EDEM3: variants seen among roughly 807,000 people sequenced by gnomAD.
The protein encoded by EDEM3 is ER degradation enhancing alpha-mannosidase like protein 3.
Under a neutral mutation model 110.2 loss-of-function variants are expected in EDEM3, and 60 were observed. The ratio of observed to expected loss-of-function variants is 0.54; its 90% confidence interval spans 0.44 to 0.67. EDEM3 has a LOEUF of 0.67. Ranked by LOEUF, EDEM3 falls within the 30% of genes least tolerant of loss-of-function variation. EDEM3 has a pLI of 0.00. For synonymous variants in EDEM3, 352 were observed against 382.9 expected, an observed-to-expected ratio of 0.92 and a Z score of 0.94; for missense variants, 996 against 1,121.0, an observed-to-expected ratio of 0.89 and a Z score of 1.59.
chr1:184,711,100 G>C (rs1650202103), intron 15 of EDEM3, among the ~76,000 whole-genome samples: 1 of 151,878 alleles, frequency 6.6e-6, no homozygotes, highest in East Asian at 1.9e-4. Flanking sequence ...TAGACAAAAG[G>C]AAATTTTTTT....
intron 4 of EDEM3, among the ~76,000 whole-genome samples, chr1:184,735,640 T>A (rs535357707): frequency 1.3e-5 from 2 of 152,278 alleles, no homozygotes; most frequent in African/African-American, 4.8e-5. Flanking sequence ...CTCCCTAAAT[T>A]CAGTAAAAGT....
intron 6 of EDEM3, among the ~76,000 whole-genome samples, chr1:184,731,420 C>T (rs1651509529): frequency 6.6e-6 from 1 of 152,160 alleles, no homozygotes; most frequent in African/African-American, 2.4e-5. Flanking sequence ...GAATACTTTC[C>T]TCTTTATTCA....
chr1:184,723,224 C>T (rs1650999109), intron 8 of EDEM3, among the ~76,000 whole-genome samples: 1 of 151,978 alleles, frequency 6.6e-6, no homozygotes. Context: ...AAGCACTTTA[C>T]TTTGGTTAAC....
intron 19 of EDEM3, among the ~76,000 whole-genome samples, chr1:184,697,598 G>A (rs1649397160): frequency 6.6e-6 from 1 of 151,978 alleles, no homozygotes; most frequent in African/African-American, 2.4e-5. Context: ...TAGTTTAACT[G>A]AAGGAGAAAT....
chr1:184,699,039 T>C (rs2102057026), intron 19 of EDEM3, among the ~76,000 whole-genome samples: 1 of 151,898 alleles, frequency 6.6e-6, no homozygotes, highest in South Asian at 2.1e-4. Context: ...ACAACCACAA[T>C]ATTAAATTCA....
chr1:184,732,776 C>A, intron 6 of EDEM3, 61 bp downstream of exon 6: 1 of 1,503,180 alleles, frequency 6.7e-7, no homozygotes, highest in Non-Finnish European at 9.0e-7. Context: ...GATCACAAAA[C>A]TTCATTTTGT....
At chr1:184,731,282 A>G (rs1468542812) in intron 6 of EDEM3, among the ~76,000 whole-genome samples, 3 of 152,236 alleles carry the variant, frequency 2.0e-5, no homozygotes, top group Non-Finnish European at 4.4e-5. Context: ...TGCTTTAAAT[A>G]TAAAATTTTC....
At chr1:184,694,862 A>T (rs988288073) in intron 19 of EDEM3, among the ~76,000 whole-genome samples, 1 of 152,078 alleles carries the variant, frequency 6.6e-6, no homozygotes, top group Non-Finnish European at 1.5e-5. Context: ...TATTAAACAG[A>T]ATCAATTTTA....
At chr1:184,740,855 T>C (rs1652096898) in intron 2 of EDEM3, among the ~76,000 whole-genome samples, 1 of 152,104 alleles carries the variant, frequency 6.6e-6, no homozygotes. Flanking sequence ...GGTTGTGACA[T>C]AAAGGTTGAA....
chr1:184,717,130 A>T (rs1475626418), intron 12 of EDEM3, 118 bp from the exon 13 acceptor site: 1 of 746,740 alleles, frequency 1.3e-6, no homozygotes, highest in African/African-American at 1.8e-5. Flanking sequence ...TCAGGCACTG[A>T]AGGACATTAT....
At chr1:184,729,962 GT>G (rs575467377) in intron 6 of EDEM3, among the ~76,000 whole-genome samples, 199 of 152,066 alleles carry the variant, frequency 1.3e-3, no homozygotes, top group African/African-American at 4.6e-3. Context: ...TTTATATATT[GT>G]TTAAAAAACT....
chr1:184,734,258 C>T (rs1651699369), intron 5 of EDEM3, among the ~76,000 whole-genome samples: 1 of 152,328 alleles, frequency 6.6e-6, no homozygotes, highest in South Asian at 2.1e-4. Context: ...CACTTAAGGT[C>T]AGGCATTCGG....
intron 6 of EDEM3, among the ~76,000 whole-genome samples, chr1:184,732,130 C>T (rs1208458769): frequency 4.0e-5 from 6 of 151,860 alleles, no homozygotes; most frequent in South Asian, 4.2e-4. Context: ...GAGCCGAGAT[C>T]GCGCCACTGC....
Position 184,690,298 on chromosome 1 carries a change from T to C in EDEM3, c.*3765A>G, listed in dbSNP as rs1235123477. On this transcript the variant is annotated 3_prime_UTR_variant, in exon 20 of 20. Coordinates refer to ENST00000318130, the MANE Select transcript of EDEM3 (RefSeq NM_025191.4). ...TACCTTTGTGCATGCTACTGACTTG[T>C]TGAAAAACTTTCAGTGATTTCTTAG... 1 of 152,386 alleles carries C rather than the reference T, an allele frequency of 6.6e-6. No individual in the cohort carries two copies. The highest frequency in any genetic ancestry group is 2.4e-5 in the African/African-American group (1 of 41,424). 9.4% of individuals were successfully genotyped at this position (152,386 alleles called of 1,614,324 possible). A position where few individuals can be genotyped will look rare whatever the true frequency, so the allele number is the denominator to read the frequency against.
At chr1:184,703,117 A>G in intron 18 of EDEM3, 121 bp from the exon 19 acceptor site, 7 of 829,380 alleles carry the variant, frequency 8.4e-6, no homozygotes, top group Non-Finnish European at 1.2e-5. Context: ...AACCATAAAA[A>G]CCAACATAAT....
intron 3 of EDEM3, among the ~76,000 whole-genome samples, 199 bp from the exon 4 acceptor site, chr1:184,737,263 C>A (rs1651881657): frequency 6.6e-6 from 1 of 152,130 alleles, no homozygotes; most frequent in South Asian, 2.1e-4. Flanking sequence ...ATCTACGTAT[C>A]TTCAAGAGTC....
At chr1:184,728,111 A>G (rs1183904442) in intron 6 of EDEM3, among the ~76,000 whole-genome samples, 1 of 152,188 alleles carries the variant, frequency 6.6e-6, no homozygotes, top group Non-Finnish European at 1.5e-5. Context: ...CTTACCTACC[A>G]TGTGGGGGAT....
At chr1:184,728,552 T>G (rs187739430) in intron 6 of EDEM3, among the ~76,000 whole-genome samples, 1 of 152,278 alleles carries the variant, frequency 6.6e-6, no homozygotes, top group African/African-American at 2.4e-5. Context: ...ATCTATAGTA[T>G]CTGCTCATTT....
intron 19 of EDEM3, chr1:184,701,489 ATACT>A (rs569399374): frequency 4.3e-4 from 544 of 1,274,132 alleles, no homozygotes; most frequent in Non-Finnish European, 5.3e-4. Flanking sequence ...TTAATGCAAG[ATACT>A]TACTACTATT....
Sources: gnomAD v4.1 joint callset for allele counts (sites outside exome capture counted in the v4.1 genomes callset) on GRCh38, gnomAD v4.1.1 for gene constraint, MANE v1.5 for transcripts, NCBI Gene and HGNC (gene_info 2026-07-23, HGNC 2026-07-21) for gene names.